The following PWWP3B variants were observed in gnomAD, a reference collection of about 807,000 sequenced individuals.
The protein encoded by PWWP3B is PWWP domain-containing DNA repair factor 3B.
PWWP3B carries 5 observed loss-of-function variants against 15.7 expected under a neutral mutation model. The observed-to-expected ratio is 0.32, with a 90% CI of 0.17 to 0.67. PWWP3B has a LOEUF of 0.67. Ranked by LOEUF, PWWP3B falls within the 30% of genes least tolerant of loss-of-function variation. The probability of loss-of-function intolerance (pLI) is 0.74; values close to 1 mark genes in which losing one functional copy is unlikely to be tolerated. For synonymous variants in PWWP3B, 203 were observed against 179.8 expected (o/e 1.13, Z -1.03); for missense variants, 519 against 493.1 (o/e 1.05, Z -0.50).
chrX:106,192,948 T>A (rs1007944980), intron 2 of PWWP3B, among the ~76,000 whole-genome samples: 5 of 111,240 alleles, frequency 4.5e-5, no homozygotes, highest in Non-Finnish European at 1.9e-5. Flanking sequence ...TGCTGAGGAG[T>A]GCTTTACTTC....
intron 2 of PWWP3B, among the ~76,000 whole-genome samples, chrX:106,196,886 G>T (rs1004195714): frequency 5.4e-5 from 6 of 111,627 alleles, no homozygotes; most frequent in African/African-American, 2.0e-4. Flanking sequence ...TTCAGTTGGA[G>T]CCTGGAGTGC....
At chrX:106,170,385 G>C (rs1014145650) in intron 1 of PWWP3B, among the ~76,000 whole-genome samples, 11 of 111,614 alleles carry the variant, frequency 9.9e-5, no homozygotes, top group Non-Finnish European at 1.9e-4. Context: ...ATTTGCATGA[G>C]AGATATTATG....
intron 2 of PWWP3B, among the ~76,000 whole-genome samples, chrX:106,187,746 A>G (rs183110818): frequency 3.5e-4 from 39 of 111,486 alleles, no homozygotes; most frequent in African/African-American, 1.1e-3. Context: ...AATATTTTGA[A>G]TATCTATGAA....
rs765243156 is a variant in PWWP3B, at chrX:106,199,307, C to T, written c.-400-4678C>T. Among the ~76,000 whole-genome samples the T allele has an allele frequency of 9.0e-5, 10 of 111,681 alleles. No individual in the cohort carries two copies. The East Asian group carries it at 1.4e-3, about 16-fold the overall frequency. ...TCCTGACCTCGTGATCCACCTGTCT[C>T]GGCCTCCCAAAGTGCTGGGATTACA... On this transcript the variant is annotated intron_variant, in intron 2 of 3. Transcript: ENST00000357175.
chrX:106,187,852 A>G (rs1459728617), intron 2 of PWWP3B, among the ~76,000 whole-genome samples: 3 of 111,866 alleles, frequency 2.7e-5, no homozygotes, highest in Non-Finnish European at 5.6e-5. Flanking sequence ...TATGGACCTT[A>G]TGCACTAAAA....
In PWWP3B at chrX:106,205,260, T is replaced by C. The variant is rs1923926007; in HGVS notation, c.-173T>C. 2.5e-6 allele frequency: 1 copy of C among 393,517 alleles called. No individual in the cohort carries two copies. The highest frequency in any genetic ancestry group is 2.5e-5 in the African/African-American group (1 of 39,392). The allele number at this position is 393,517 out of a possible 1,213,427, so 32.4% of individuals were successfully genotyped here. On this transcript the variant is annotated 5_prime_UTR_variant, in exon 4 of 4. Coordinates refer to ENST00000357175, the MANE Select transcript of PWWP3B (RefSeq NM_001171020.2). ...CCTATTCAAACAACGTGTTCAAGCA[T>C]CCTTGGAAAATTGAGGTGGAGAACA...
intron 3 of PWWP3B, 57 bp downstream of exon 3, chrX:106,204,227 G>A (rs1170336407): frequency 2.7e-5 from 3 of 112,252 alleles, no homozygotes; most frequent in Non-Finnish European, 5.6e-5. Context: ...TGAGAACTTG[G>A]AGAATAATGT....
At chrX:106,199,049 ATT>A (rs776491785) in intron 2 of PWWP3B, among the ~76,000 whole-genome samples, 3 of 94,678 alleles carry the variant, frequency 3.2e-5, no homozygotes, top group African/African-American at 3.8e-5. Flanking sequence ...TTTCATTGTA[ATT>A]TTTTTTTTTT....
intron 2 of PWWP3B, among the ~76,000 whole-genome samples, chrX:106,179,933 T>G (rs749179072): frequency 1.1e-3 from 120 of 112,056 alleles, no homozygotes; most frequent in Admixed American, 3.3e-3. Context: ...TATGGAAGAC[T>G]TGGATGCCCC....
intron 2 of PWWP3B, among the ~76,000 whole-genome samples, chrX:106,172,442 T>G (rs1389909392): frequency 9.0e-6 from 1 of 111,403 alleles, no homozygotes; most frequent in Admixed American, 9.6e-5. Flanking sequence ...ATAAGCTTTT[T>G]TCCTATTTTA....
intron 2 of PWWP3B, among the ~76,000 whole-genome samples, chrX:106,192,600 C>T (rs1183468106): frequency 9.0e-6 from 1 of 110,729 alleles, no homozygotes; most frequent in Non-Finnish European, 1.9e-5. Flanking sequence ...AATGTGTTTG[C>T]TCTTGCTTTT....
chrX:106,171,831 G>T (rs769891746), intron 2 of PWWP3B, among the ~76,000 whole-genome samples: 6 of 110,412 alleles, frequency 5.4e-5, no homozygotes, highest in Non-Finnish European at 7.6e-5. Flanking sequence ...GTAGGCAGTT[G>T]CAACACAACT....
At chrX:106,193,673 G>C (rs755268817) in intron 2 of PWWP3B, among the ~76,000 whole-genome samples, 1 of 112,130 alleles carries the variant, frequency 8.9e-6, no homozygotes, top group South Asian at 3.7e-4. Flanking sequence ...TGCAGTGCCT[G>C]GTACTGGTTG....
intron 2 of PWWP3B, among the ~76,000 whole-genome samples, chrX:106,197,058 T>C (rs1400107214): frequency 1.8e-5 from 2 of 111,965 alleles, no homozygotes; most frequent in Non-Finnish European, 3.8e-5. Context: ...AAGTACTGTC[T>C]GTTGTCCTGT....
At chrX:106,191,486 A>G (rs1379323318) in intron 2 of PWWP3B, among the ~76,000 whole-genome samples, 1 of 111,464 alleles carries the variant, frequency 9.0e-6, no homozygotes, top group Non-Finnish European at 1.9e-5. Flanking sequence ...TCATCTGCAA[A>G]CAGGGACAAT....
In PWWP3B at chrX:106,206,076, C is replaced by A. The variant is rs957508786; in HGVS notation, c.644C>A (p.Ser215Ter). 2.5e-6 allele frequency: 3 copies of A among 1,209,556 alleles called. No individual in the cohort carries two copies. The African/African-American group carries it at 5.2e-5, about 21-fold the overall frequency. Residue 215 changes from serine (S) to a stop codon, truncating the protein, a stop_gained, in exon 4 of 4, where the codon TCA becomes TAA. Coordinates refer to ENST00000357175, the MANE Select transcript of PWWP3B (RefSeq NM_001171020.2). LOFTEE classifies it low-confidence loss of function (END_TRUNC). ...EKENKNKIDI[S>*]AVMSVHSAVK... Reference sequence around the variant, plus strand: ...GAGAACAAGAATAAGATTGATATCTCAGCAGTTATGTCTGTGCATTCTGCA... The same window carrying A: ...GAGAACAAGAATAAGATTGATATCTAAGCAGTTATGTCTGTGCATTCTGCA...
chrX:106,203,486 GTCA>G (rs1318943441), intron 2 of PWWP3B, among the ~76,000 whole-genome samples: 1 of 111,915 alleles, frequency 8.9e-6, no homozygotes, highest in Non-Finnish European at 1.9e-5. Context: ...AGTTCTGGTT[GTCA>G]TCATAAGAGG....
intron 2 of PWWP3B, among the ~76,000 whole-genome samples, chrX:106,197,271 GT>G (rs1923435791): frequency 8.9e-6 from 1 of 111,759 alleles, no homozygotes; most frequent in East Asian, 2.8e-4. Flanking sequence ...CAGGGCAGAG[GT>G]TTTTCCCTTC....
chrX:106,179,405 A>C (rs1438125251), intron 2 of PWWP3B, among the ~76,000 whole-genome samples: 1 of 112,551 alleles, frequency 8.9e-6, no homozygotes, highest in African/African-American at 3.2e-5. Flanking sequence ...TCATATTATA[A>C]GAACATGAAG....
Sources: gnomAD v4.1 joint callset for allele counts (sites outside exome capture counted in the v4.1 genomes callset) on GRCh38, gnomAD v4.1.1 for gene constraint, MANE v1.5 for transcripts, NCBI Gene and HGNC (gene_info 2026-07-23, HGNC 2026-07-21) for gene names.